Variants in CASKIN1 observed in about 807,000 individuals in gnomAD.
CASKIN1 encodes the protein caskin-1.
A neutral mutation model predicts 117.5 loss-of-function variants in CASKIN1; 42 were observed. The ratio of observed to expected loss-of-function variants is 0.36; its 90% CI spans 0.28 to 0.46. The LOEUF (loss-of-function observed/expected upper bound fraction) is 0.46, where lower values mean the gene tolerates loss of function less well. Among genes scored for constraint, CASKIN1 ranks in the 20% least tolerant of loss-of-function variants. The probability of loss-of-function intolerance (pLI) is 1.00; values close to 1 mark genes in which losing one functional copy is unlikely to be tolerated. For missense variants in CASKIN1, 2,083 were observed against 2,077.3 expected (o/e 1.00, Z -0.05); for synonymous variants, 1,148 against 961.7 (o/e 1.19, Z -3.59).
chr16:2,177,947 C>A lies in CASKIN1; in HGVS notation c.*603G>T. The stretch of plus-strand genomic sequence containing the variant: ...GGAGGAAGGACCGCAGGCAGACAGC[C>A]TGGGCCTCTAACAGCTTTTGTCCGG... On this transcript the variant is annotated 3_prime_UTR_variant, in exon 20 of 20. Coordinates refer to ENST00000343516, the MANE Select transcript of CASKIN1 (RefSeq NM_020764.4). 1 of 362,832 alleles carries A rather than the reference C, an allele frequency of 2.8e-6. No homozygotes were observed. The highest frequency in any genetic ancestry group is 2.7e-5 in the South Asian group (1 of 36,704). 22.5% of individuals were successfully genotyped at this position (362,832 alleles called of 1,614,324 possible).
chr16:2,188,742 C>T (rs1436148956), intron 6 of CASKIN1, among the ~76,000 whole-genome samples: 1 of 152,130 alleles, frequency 6.6e-6, no homozygotes, highest in Non-Finnish European at 1.5e-5. Flanking sequence ...TGCTGTGAAC[C>T]CCACTTTACG....
At chr16:2,195,189 T>A (rs1260633425) in intron 1 of CASKIN1, among the ~76,000 whole-genome samples, 2 of 152,134 alleles carry the variant, frequency 1.3e-5, no homozygotes, top group Non-Finnish European at 2.9e-5. Context: ...GTGCCCCCTC[T>A]CTCTTACTGC....
In CASKIN1 at chr16:2,179,248, T is replaced by G; in HGVS notation, c.3853A>C (p.Lys1285Gln). ...PPPPTAPKPVKAVAGLPSGSA... is the reference protein window; with the variant it reads ...PPPPTAPKPVQAVAGLPSGSA... ...CCCGAAGGCAGCCCCGCGACCGCCT[T>G]GACGGGCTTGGGCGCTGTGGGCGGC... is the stretch of plus-strand genomic sequence containing the variant. The change falls in exon 19 of 20, where the codon AAG becomes CAG. Residue 1285 changes from lysine to glutamine, a missense_variant. By Grantham distance (53) the Lys-to-Gln change is moderately conservative (BLOSUM62 1). Coordinates refer to ENST00000343516, the MANE Select transcript of CASKIN1 (RefSeq NM_020764.4). This position sits in a 1 kb window ranked among gnomAD's most constrained non-coding sequence, Gnocchi z 5.8. The G allele has an allele frequency of 8.3e-7, 1 of 1,202,694 alleles. No individual in the cohort carries two copies. Among genetic ancestry groups the G allele is most frequent in the Non-Finnish European group, 1.0e-6 (1 of 970,156 alleles). 74.5% of individuals were successfully genotyped at this position (1,202,694 alleles called of 1,614,324 possible).
At chr16:2,185,500 C>T (rs941266014) in intron 10 of CASKIN1, 92 bp from the exon 11 acceptor site, 18 of 1,072,418 alleles carry the variant, frequency 1.7e-5, no homozygotes, top group Middle Eastern at 2.3e-4. Flanking sequence ...CAGCCACAGC[C>T]GGGGGTCCTC....
At chr16:2,194,464 C>T (rs1330385644) in intron 1 of CASKIN1, among the ~76,000 whole-genome samples, 13 of 152,122 alleles carry the variant, frequency 8.5e-5, no homozygotes, top group Non-Finnish European at 1.3e-4. Flanking sequence ...AGGGACTGGG[C>T]AACCAGAGGG....
At chr16:2,183,501 G>A (rs1476727253) in intron 16 of CASKIN1, 145 bp downstream of exon 16, 3 of 744,004 alleles carry the variant, frequency 4.0e-6, no homozygotes, top group Admixed American at 2.6e-5. Flanking sequence ...TGATCGGGAG[G>A]CTCCCTGCTA....
At position 2,181,154 on chromosome 16, in the gene CASKIN1, C is replaced by G. The variant is rs573198641; in HGVS notation, c.2214G>C (p.Pro738=). ...GGCGGCCGGGCCGGGCCTCCCTGGG[C>G]GGGGTGCCGGGGGCGGGGCCCTCAT... The part of the protein sequence containing the change: ...LLDEGPAPGT[P]PREARPGRHG... Residue 738 remains proline, a synonymous_variant, in exon 18 of 20, where the codon CCG becomes CCC. Transcript: ENST00000343516. The G allele has an allele frequency of 6.7e-7, 1 of 1,491,902 alleles. No homozygotes were observed. The highest frequency in any genetic ancestry group is 2.4e-5 in the Admixed American group (1 of 41,518). 92.4% of individuals were successfully genotyped at this position (1,491,902 alleles called of 1,614,324 possible). A position where few individuals can be genotyped will look rare whatever the true frequency, so the allele number is the denominator to read the frequency against.
rs1412763434 is a variant in CASKIN1 at position 2,178,027 on chromosome 16, A to AC, written c.*522_*523insG. 3.7e-5 allele frequency: 16 copies of AC among 436,726 alleles called. No homozygotes were observed. The highest frequency in any genetic ancestry group is 6.5e-5 in the Non-Finnish European group (15 of 232,338). 27.1% of individuals were successfully genotyped at this position (436,726 alleles called of 1,614,324 possible). On this transcript the variant is annotated 3_prime_UTR_variant, in exon 20 of 20. Transcript: ENST00000343516. ...AATGGTTTTCTATAGAATCAATAATATTTCTTTCTTTAAATATATATTTGT... is the reference window on the plus strand; with the variant it reads ...AATGGTTTTCTATAGAATCAATAATACTTTCTTTCTTTAAATATATATTTGT...
rs1168245892 is a variant in CASKIN1 at position 2,179,192 on chromosome 16, G to A, written c.3909C>T (p.Pro1303=). ...CGAGGGCGGCGGGCGGCTGTCGCGC[G>A]GGCGAGGGTGCGGGTGAAGGGCCGG... The part of the protein sequence containing the change: ...GSAGPSPAPS[P]ARQPPAALAK... Residue 1303 remains proline (P), a synonymous_variant, in exon 19 of 20, where the codon CCC becomes CCT. Transcript: ENST00000343516. This position sits in a 1 kb window ranked among gnomAD's most constrained non-coding sequence, Gnocchi z 5.8. 1 of 1,142,168 alleles carries A rather than the reference G, an allele frequency of 8.8e-7. No individual in the cohort carries two copies. Among genetic ancestry groups the A allele is most frequent in the Non-Finnish European group, 1.1e-6 (1 of 930,530 alleles). The allele number at this position is 1,142,168 out of a possible 1,614,324, so 70.8% of individuals were successfully genotyped here. A position where few individuals can be genotyped will look rare whatever the true frequency, so the allele number is the denominator to read the frequency against.
In CASKIN1 at chr16:2,179,032, G is replaced by T. The variant is rs2093156546; in HGVS notation, c.4069C>A (p.Pro1357Thr). The change falls in exon 19 of 20, where the codon CCC (proline) becomes ACC (threonine). Residue 1357 changes from proline (P) to threonine (T), a missense_variant. By Grantham distance (38) the Pro-to-Thr change is conservative. Coordinates refer to ENST00000343516, the MANE Select transcript of CASKIN1 (RefSeq NM_020764.4). The surrounding 1 kb of genome is among the most constrained non-coding windows in gnomAD (Gnocchi z 5.8). ...AAAAAAAAAP[P>T]APPEGASPGD... ...GGCGAGGCGCCTTCGGGCGGGGCGGGGGGCGCGGCGGCGGCGGCGGCGGCG... is the reference window on the plus strand; with the variant it reads ...GGCGAGGCGCCTTCGGGCGGGGCGGTGGGCGCGGCGGCGGCGGCGGCGGCG... The T allele has an allele frequency of 8.8e-7, 1 of 1,136,630 alleles. No homozygotes were observed. The allele number at this position is 1,136,630 out of a possible 1,614,324, so 70.4% of individuals were successfully genotyped here.
At chr16:2,183,229 G>A (rs533550391) in intron 16 of CASKIN1, among the ~76,000 whole-genome samples, 1 of 152,316 alleles carries the variant, frequency 6.6e-6, no homozygotes, top group Non-Finnish European at 1.5e-5. Flanking sequence ...GGTGTTCCAT[G>A]CACACCTGCC....
In CASKIN1 at chr16:2,196,524, C is replaced by T. The variant is rs908460212; in HGVS notation, c.-92G>A. The stretch of plus-strand genomic sequence containing the variant: ...GCCCCGCGGCACCGGCCGCCTCCCC[C>T]GCCGCCTCCCCCGCCGCCTCCTCGC... On this transcript the variant is annotated 5_prime_UTR_variant, in exon 1 of 20. Coordinates refer to ENST00000343516, the MANE Select transcript of CASKIN1 (RefSeq NM_020764.4). This position sits in a 1 kb window ranked among gnomAD's most constrained non-coding sequence, Gnocchi z 5.7. The T allele has an allele frequency of 2.6e-3, 1,167 of 444,062 alleles. 7 individuals carry two copies. Among genetic ancestry groups the T allele is most frequent in the Non-Finnish European group, 3.0e-3 (1,028 of 340,010 alleles). The allele number at this position is 444,062 out of a possible 1,614,324, so 27.5% of individuals were successfully genotyped here.
At chr16:2,185,932 G>T (rs1408649159) in intron 10 of CASKIN1, among the ~76,000 whole-genome samples, 1 of 152,116 alleles carries the variant, frequency 6.6e-6, no homozygotes, top group African/African-American at 2.4e-5. Flanking sequence ...AGCGCCTTTG[G>T]TTTTTTCCTT....
rs2093193722 is a variant in CASKIN1 at position 2,189,209 on chromosome 16, CACCCCACAGG to C, written c.486+19_486+28del. 6.2e-7 allele frequency: 1 copy of C among 1,612,888 alleles called. No individual in the cohort carries two copies. The highest frequency in any genetic ancestry group is 1.1e-5 in the South Asian group (1 of 91,070). On this transcript the variant is annotated intron_variant, in intron 5 of 19. Transcript: ENST00000343516. ...GTCCTGATGTGGGGCTCCCCAGCCC[CACCCCACAGG>C]GCTCCACAGGAGACTCACCCCAACG...
At chr16:2,191,578 C>G (rs1451977127) in intron 1 of CASKIN1, among the ~76,000 whole-genome samples, 1 of 152,234 alleles carries the variant, frequency 6.6e-6, no homozygotes, top group Non-Finnish European at 1.5e-5. Flanking sequence ...ATGGCGATTA[C>G]TAATATTAGC....
rs1394286547 is a variant in CASKIN1, at chr16:2,187,461, C to T, written c.618G>A (p.Arg206=). 3.7e-6 allele frequency: 6 copies of T among 1,602,806 alleles called. 1 individual carries two copies. The Middle Eastern group carries it at 6.0e-4, about 162-fold the overall frequency. ...AAKNGHIDII[R]LLLQAGIDIN... Reference sequence around the variant, plus strand: ...TGTCGATGCCGGCTTGGAGGAGGAGCCTGGCGGGAAGGCAAGGTGGACAGG... The same window carrying T: ...TGTCGATGCCGGCTTGGAGGAGGAGTCTGGCGGGAAGGCAAGGTGGACAGG... The change falls in exon 7 of 20, where the codon AGG becomes AGA. Residue 206 remains arginine, a splice_region_variant and synonymous_variant. Transcript: ENST00000343516.
At position 2,196,551 on chromosome 16, in the gene CASKIN1, G is replaced by T; in HGVS notation, c.-119C>A. The stretch of plus-strand genomic sequence containing the variant: ...CCGCCTCCCCCGCCGCCTCCTCGCC[G>T]CCCGCCGCCCCTTCGCCCTCCTCGG... On this transcript the variant is annotated 5_prime_UTR_variant, in exon 1 of 20. Transcript: ENST00000343516. This position sits in a 1 kb window ranked among gnomAD's most constrained non-coding sequence, Gnocchi z 5.7. 8.7e-6 allele frequency: 2 copies of T among 230,824 alleles called. No homozygotes were observed. Among genetic ancestry groups the T allele is most frequent in the Non-Finnish European group, 1.4e-5 (2 of 142,764 alleles). The allele number at this position is 230,824 out of a possible 1,614,324, so 14.3% of individuals were successfully genotyped here.
Position 2,179,677 on chromosome 16 carries a change from C to T in CASKIN1, c.3691G>A (p.Val1231Ile), listed in dbSNP as rs1023909566. Reference sequence around the variant, plus strand: ...AGCTTGGGCACAGGCTGCGTCAGGACGGGCTTGGGAGAGACAGGCGGCTTG... The same window carrying T: ...AGCTTGGGCACAGGCTGCGTCAGGATGGGCTTGGGAGAGACAGGCGGCTTG... ...PAKPPVSPKPVLTQPVPKLQG... is the reference protein window; with the variant it reads ...PAKPPVSPKPILTQPVPKLQG... The change falls in exon 18 of 20, where the codon GTC becomes ATC. Residue 1231 changes from valine to isoleucine, a missense_variant. Physicochemically the swap from Val to Ile is conservative, Grantham distance 29. Transcript: ENST00000343516. This position sits in a 1 kb window ranked among gnomAD's most constrained non-coding sequence, Gnocchi z 5.8. 7 of 1,520,226 alleles carry T rather than the reference C, an allele frequency of 4.6e-6. No individual in the cohort carries two copies. The highest frequency in any genetic ancestry group is 2.4e-5 in the East Asian group (1 of 42,228). 94.2% of individuals were successfully genotyped at this position (1,520,226 alleles called of 1,614,324 possible). A position where few individuals can be genotyped will look rare whatever the true frequency, so the allele number is the denominator to read the frequency against.
chr16:2,180,832 G>A lies in CASKIN1; in HGVS notation c.2536C>T (p.Pro846Ser). 2 of 1,386,260 alleles carry A rather than the reference G, an allele frequency of 1.4e-6. No homozygotes were observed. The highest frequency in any genetic ancestry group is 9.3e-7 in the Non-Finnish European group (1 of 1,077,358). 85.9% of individuals were successfully genotyped at this position (1,386,260 alleles called of 1,614,324 possible). ...GGGGGCGCAGGCCCCGGGGCAGCCG[G>A]CCCCACCTCGCCCTCCACGGGCTGG... ...LPQPVEGEVGPAAPGPAPPPV... is the reference protein window; with the variant it reads ...LPQPVEGEVGSAAPGPAPPPV... The change falls in exon 18 of 20, where the codon CCG becomes TCG. Residue 846 changes from proline (P) to serine (S), a missense_variant. By Grantham distance (74) the Pro-to-Ser change is moderately conservative. Transcript: ENST00000343516.
Sources: gnomAD v4.1 joint callset for allele counts (sites outside exome capture counted in the v4.1 genomes callset) on GRCh38, gnomAD v4.1.1 for gene constraint, Gnocchi (gnomAD v3.1) non-coding constraint, MANE v1.5 for transcripts, NCBI Gene and HGNC (gene_info 2026-07-23, HGNC 2026-07-21) for gene names.